The following RHBDD1 variants were observed in gnomAD, a reference collection of about 807,000 sequenced individuals.
The protein encoded by RHBDD1 is rhomboid-related protein 4.
Under a neutral mutation model 36.3 loss-of-function variants are expected in RHBDD1, and 38 were observed. The ratio of observed to expected loss-of-function variants is 1.05; its 90% confidence interval spans 0.81 to 1.37. RHBDD1 has a LOEUF of 1.37. RHBDD1 is among the 40% of genes most tolerant of loss of function. RHBDD1 has a pLI of 0.00. For synonymous variants in RHBDD1, 151 were observed against 136.5 expected (o/e 1.11, Z -0.74); for missense variants, 393 against 377.6 (o/e 1.04, Z -0.34).
At chr2:226,824,572 G>A in the RHBDD1 span, among the ~76,000 whole-genome samples, 1 of 152,196 alleles carries the variant, frequency 6.6e-6, no homozygotes, top group East Asian at 1.9e-4. Context: ...TGATTGTATG[G>A]GATGTCAAAA....
At chr2:226,948,070 T>TGTAA (rs1213946153) in intron 8 of RHBDD1, among the ~76,000 whole-genome samples, 1 of 151,980 alleles carries the variant, frequency 6.6e-6, no homozygotes, top group Non-Finnish European at 1.5e-5. Context: ...TTACTGGGTA[T>TGTAA]ATACCCAAAT....
Position 226,865,793 on chromosome 2 carries a change from G to T in RHBDD1, c.433+667G>T, listed in dbSNP as rs565323347. ...GGAGAGGATTAGGCTGTTTCAGCCA[G>T]CCCCCTTTTATCTCAGGGTGTTGGA... On this transcript the variant is annotated intron_variant, in intron 4 of 8. Transcript: ENST00000392062. Among the ~76,000 whole-genome samples the T allele has an allele frequency of 3.3e-5, 5 of 152,320 alleles. No individual in the cohort carries two copies. The South Asian group carries it at 1.0e-3, about 32-fold the overall frequency.
At chr2:226,832,405 T>TA (rs1341040105), upstream of RHBDD1, among the ~76,000 whole-genome samples, 5 of 152,206 alleles carry the variant, frequency 3.3e-5, no homozygotes, top group African/African-American at 1.2e-4. Context: ...AACATAAGGC[T>TA]ATCCTGGAGA....
intron 8 of RHBDD1, among the ~76,000 whole-genome samples, chr2:226,929,300 C>T (rs1398123973): frequency 1.3e-5 from 2 of 152,040 alleles, no homozygotes; most frequent in African/African-American, 4.8e-5. Context: ...CAATAATTTA[C>T]CATGAACAAA....
intron 8 of RHBDD1, among the ~76,000 whole-genome samples, chr2:226,964,376 A>G (rs1405772993): frequency 6.6e-6 from 1 of 152,146 alleles, no homozygotes; most frequent in African/African-American, 2.4e-5. Flanking sequence ...TTGAAACCAT[A>G]CCTTTTTTCT....
At chr2:226,800,802 C>T in the RHBDD1 span, among the ~76,000 whole-genome samples, 1 of 152,140 alleles carries the variant, frequency 6.6e-6, no homozygotes, top group Non-Finnish European at 1.5e-5. Flanking sequence ...TTAACCTTGA[C>T]CACAAGGATA....
upstream of RHBDD1, among the ~76,000 whole-genome samples, chr2:226,832,980 C>CA (rs1435078987): frequency 4.0e-5 from 6 of 150,400 alleles, no homozygotes; most frequent in South Asian, 2.1e-4. Flanking sequence ...CATTGCACTT[C>CA]AAAAAAAAGA....
the RHBDD1 span, among the ~76,000 whole-genome samples, chr2:226,820,644 CAAAAAAAAAAA>C: frequency 4.7e-5 from 3 of 63,516 alleles, no homozygotes; most frequent in Non-Finnish European, 1.2e-4. Context: ...TCCATCTCCA[CAAAAAAAAAAA>C]AAAAAAAAAA....
intron 8 of RHBDD1, among the ~76,000 whole-genome samples, chr2:226,932,885 G>A (rs531234505): frequency 3.9e-5 from 6 of 151,958 alleles, no homozygotes; most frequent in Admixed American, 6.6e-5. Flanking sequence ...CTGCTAGTCC[G>A]TTCTCACACT....
chr2:226,956,102 A>T (rs965903957), intron 8 of RHBDD1, among the ~76,000 whole-genome samples: 1 of 152,198 alleles, frequency 6.6e-6, no homozygotes, highest in Non-Finnish European at 1.5e-5. Context: ...TTGTATGATT[A>T]GTGAGTGGAA....
In RHBDD1 at chr2:226,997,971, A is replaced by G. The variant is rs1263060468; in HGVS notation, c.*2449A>G. 1 of 152,244 alleles carries G rather than the reference A, an allele frequency of 6.6e-6. No individual in the cohort carries two copies. The highest frequency in any genetic ancestry group is 1.9e-4 in the East Asian group (1 of 5,196). The allele number at this position is 152,244 out of a possible 1,614,324, so 9.4% of individuals were successfully genotyped here. ...CCAACAAACTGGAATTGGATTGAGA[A>G]AGACAAAAGCAAGTGAGCAAGTGTA... On this transcript the variant is annotated 3_prime_UTR_variant, in exon 9 of 9. Coordinates refer to ENST00000392062, the MANE Select transcript of RHBDD1 (RefSeq NM_001167608.3).
At chr2:226,836,350 C>G (rs1303657324) in intron 1 of RHBDD1, among the ~76,000 whole-genome samples, 1 of 152,224 alleles carries the variant, frequency 6.6e-6, no homozygotes, top group African/African-American at 2.4e-5. Context: ...TCCGCCGGAC[C>G]GCACGGGAAC....
intron 5 of RHBDD1, among the ~76,000 whole-genome samples, chr2:226,876,050 A>G (rs1246189162): frequency 6.6e-6 from 1 of 152,216 alleles, no homozygotes; most frequent in Non-Finnish European, 1.5e-5. Context: ...AATGTTCTTC[A>G]TGGTGCATTT....
intron 8 of RHBDD1, among the ~76,000 whole-genome samples, chr2:226,981,560 G>GCACA (rs1553600736): frequency 1.0e-5 from 1 of 96,750 alleles, no homozygotes; most frequent in African/African-American, 6.6e-5. Flanking sequence ...TCATCCACAT[G>GCACA]CACACACATA....
At chr2:226,915,867 A>G (rs532310443) in intron 8 of RHBDD1, among the ~76,000 whole-genome samples, 1 of 152,358 alleles carries the variant, frequency 6.6e-6, no homozygotes, top group Non-Finnish European at 1.5e-5. Flanking sequence ...GGATTAAAAC[A>G]GTAAACATTT....
Position 226,911,340 on chromosome 2 carries a change from T to G in RHBDD1, c.712+2462T>G, listed in dbSNP as rs373832483. On this transcript the variant is annotated intron_variant, in intron 7 of 8. Coordinates refer to ENST00000392062, the MANE Select transcript of RHBDD1 (RefSeq NM_001167608.3). ...CATGTGGGAAATTACCCAATATACT[T>G]TTTGTATTCCAGTAAAATAATTGGC... is the stretch of plus-strand genomic sequence containing the variant. Among the ~76,000 whole-genome samples the G allele has an allele frequency of 2.0e-4, 30 of 152,192 alleles. No homozygotes were observed. In the East Asian group the frequency reaches 3.7e-3, roughly 19 times the overall value.
At chr2:226,983,297 A>G (rs1956196033) in intron 8 of RHBDD1, among the ~76,000 whole-genome samples, 1 of 152,156 alleles carries the variant, frequency 6.6e-6, no homozygotes. Flanking sequence ...ACTGTTCTAA[A>G]TCCAGCATCT....
intron 8 of RHBDD1, among the ~76,000 whole-genome samples, chr2:226,993,669 G>A (rs2149594325): frequency 6.6e-6 from 1 of 152,300 alleles, no homozygotes; most frequent in East Asian, 1.9e-4. Context: ...ATTCTCCCAT[G>A]CTCTCAACAG....
chr2:226,929,658 C>G (rs1477128476), intron 8 of RHBDD1, among the ~76,000 whole-genome samples: 1 of 151,992 alleles, frequency 6.6e-6, no homozygotes, highest in Middle Eastern at 3.2e-3. Flanking sequence ...CTAGAGCAGT[C>G]AGGCAAGAAA....
Sources: gnomAD v4.1 joint callset for allele counts (sites outside exome capture counted in the v4.1 genomes callset) on GRCh38, gnomAD v4.1.1 for gene constraint, MANE v1.5 for transcripts, NCBI Gene and HGNC (gene_info 2026-07-23, HGNC 2026-07-21) for gene names.